The following SRGAP2 variants were observed in gnomAD, a reference collection of about 807,000 sequenced individuals.
SRGAP2 encodes SLIT-ROBO Rho GTPase activating protein 2, also known as SLIT-ROBO Rho GTPase-activating protein 2.
SRGAP2 carries 15 observed loss-of-function variants against 57.2 expected under a neutral mutation model. That is an observed-to-expected ratio of 0.26 (90% CI 0.18 to 0.40). SRGAP2 has a LOEUF of 0.40. SRGAP2 is among the 10% of genes least tolerant of loss of function. The pLI, the probability that SRGAP2 is intolerant of heterozygous loss-of-function variation, is 1.00. For missense variants in SRGAP2, 520 were observed against 669.6 expected (o/e 0.78, Z 2.47); for synonymous variants, 249 against 248.0 (o/e 1.00, Z -0.04).
chr1:206,419,668 C>T (rs1660120703), intron 12 of SRGAP2, among the ~76,000 whole-genome samples: 1 of 152,060 alleles, frequency 6.6e-6, no homozygotes, highest in Admixed American at 6.6e-5. Context: ...CCAGAGACCC[C>T]CTAACGCCAC....
rs782573262 is a variant in SRGAP2 at position 206,421,250 on chromosome 1, G to A, written c.1470G>A (p.Arg490=). 3 of 778,470 alleles carry A rather than the reference G, an allele frequency of 3.9e-6. No homozygotes were observed. Among genetic ancestry groups the A allele is most frequent in the Admixed American group, 1.7e-5 (1 of 58,708 alleles). 48.2% of individuals were successfully genotyped at this position (778,470 alleles called of 1,614,324 possible). ...ESQRTDCSLA[R]RSSTVRKQDS... is the part of the protein sequence containing the mutation. ...TCTGATTCGGCGGGATTGGTCACAG[G>A]CGCAGCTCAACTGTGAGGAAACAGG... The change falls in exon 13 of 23, where the codon AGG becomes AGA. Residue 490 remains arginine, a splice_region_variant and synonymous_variant. Transcript: ENST00000573034.
chr1:206,322,400 T>C (rs1383046938), intron 3 of SRGAP2, among the ~76,000 whole-genome samples: 6 of 148,982 alleles, frequency 4.0e-5, no homozygotes, highest in African/African-American at 1.5e-4. Flanking sequence ...GGTGAAACCC[T>C]GTCTCTACTA....
rs1023285450 is a variant in SRGAP2, at chr1:206,419,529, G to C, written c.1469+129G>C. ...TGACTTTACAAAGCAATGGCCTGGG[G>C]CGGGGTTTGTTTACTTCCCTTTGCC... On this transcript the variant is annotated intron_variant, in intron 12 of 22. Transcript: ENST00000573034. The C allele has an allele frequency of 2.1e-5, 15 of 699,412 alleles. No homozygotes were observed. In the South Asian group the frequency reaches 2.3e-4, roughly 11 times the overall value. The allele number at this position is 699,412 out of a possible 1,614,324, so 43.3% of individuals were successfully genotyped here. A position where few individuals can be genotyped will look rare whatever the true frequency, so the allele number is the denominator to read the frequency against.
chr1:206,319,183 G>A lies in SRGAP2; in HGVS notation c.260+15710G>A, dbSNP rs1276775585. 3.4e-5 allele frequency among the ~76,000 whole-genome samples: 5 copies of A among 148,928 alleles called. No individual in the cohort carries two copies. In the South Asian group the frequency reaches 6.3e-4, roughly 19 times the overall value. On this transcript the variant is annotated intron_variant, in intron 3 of 22. Coordinates refer to ENST00000573034, the MANE Select transcript of SRGAP2 (RefSeq NM_015326.5). ...TCCCAGCACTTTGGGAGGCCGAGGC[G>A]GGCGGATCACGAGGTCAGGAGATCG...
At chr1:206,398,818 G>A (rs373989598) in intron 7 of SRGAP2, among the ~76,000 whole-genome samples, 1 of 152,190 alleles carries the variant, frequency 6.6e-6, no homozygotes, top group Non-Finnish European at 1.5e-5. Context: ...CTGGAGTCTA[G>A]GATTGCAGGG....
chr1:206,260,103 A>G (rs1231284987), intron 2 of SRGAP2, among the ~76,000 whole-genome samples: 1 of 75,182 alleles, frequency 1.3e-5, no homozygotes, highest in Non-Finnish European at 2.7e-5. Context: ...TGTTGTTTGT[A>G]CATTTTTAGA....
At chr1:206,285,473 T>G (rs1439262567) in intron 2 of SRGAP2, among the ~76,000 whole-genome samples, 3 of 152,096 alleles carry the variant, frequency 2.0e-5, no homozygotes, top group Non-Finnish European at 4.4e-5. Context: ...GACATTGTGT[T>G]GCTGTGGATT....
At chr1:206,425,462 A>G (rs568961754) in intron 13 of SRGAP2, among the ~76,000 whole-genome samples, 5 of 152,298 alleles carry the variant, frequency 3.3e-5, no homozygotes, top group East Asian at 1.9e-4. Context: ...CTGTGCTATC[A>G]AACATTAGAA....
intron 19 of SRGAP2, among the ~76,000 whole-genome samples, chr1:206,452,752 G>A (rs1663431885): frequency 6.6e-6 from 1 of 152,036 alleles, no homozygotes; most frequent in Non-Finnish European, 1.5e-5. Flanking sequence ...TGGGCGTGGT[G>A]GCACACGTCT....
intron 4 of SRGAP2, among the ~76,000 whole-genome samples, chr1:206,358,531 C>T (rs1676637244): frequency 6.6e-6 from 1 of 151,646 alleles, no homozygotes; most frequent in African/African-American, 2.4e-5. Flanking sequence ...AGCATTGCAT[C>T]CCTTCCTGCC....
chr1:206,206,214 C>T, intron 2 of SRGAP2, 177 bp downstream of exon 2: 3 of 532,808 alleles, frequency 5.6e-6, no homozygotes, highest in Non-Finnish European at 1.0e-5. Context: ...TGCCAGGGGG[C>T]CATTGACACT....
intron 2 of SRGAP2, among the ~76,000 whole-genome samples, chr1:206,256,774 T>C (rs1669210513): frequency 6.6e-6 from 1 of 152,118 alleles, no homozygotes; most frequent in Non-Finnish European, 1.5e-5. Flanking sequence ...TTCAGAGTTA[T>C]AAGCATAGCC....
intron 3 of SRGAP2, among the ~76,000 whole-genome samples, chr1:206,306,789 G>C (rs1250691665): frequency 6.6e-6 from 1 of 152,312 alleles, no homozygotes; most frequent in South Asian, 2.1e-4. Flanking sequence ...ACAGAGTGTC[G>C]ATTGGTGCAT....
chr1:206,445,322 T>C (rs1344952977), intron 17 of SRGAP2, among the ~76,000 whole-genome samples: 18 of 152,218 alleles, frequency 1.2e-4, no homozygotes, highest in African/African-American at 4.1e-4. Flanking sequence ...GAACAGCTGC[T>C]GGCTGAGAAG....
At position 206,253,104 on chromosome 1, in the gene SRGAP2, TG is replaced by T. The variant is rs552053739; in HGVS notation, c.67+47071del. On this transcript the variant is annotated intron_variant, in intron 2 of 22. Transcript: ENST00000573034. ...AGTGGTGGTTACGGAGGGGCTGTTC[TG>T]GGGCTGCTCTGGAGCTGTTGAGGTC... Among the ~76,000 whole-genome samples, 41 of 144,512 alleles carry T rather than the reference TG, an allele frequency of 2.8e-4. 1 individual carries two copies. In the South Asian group the frequency reaches 9.0e-3, roughly 32 times the overall value. The allele number at this position is 144,512 out of a possible 152,430, so 94.8% of individuals were successfully genotyped here. A position where few individuals can be genotyped will look rare whatever the true frequency, so the allele number is the denominator to read the frequency against.
rs538851308 is a variant in SRGAP2 at position 206,457,801 on chromosome 1, T to TA, written c.2508-821dup. ...CTCCTGCCTCAGCCCCCATCTCTCT[T>TA]AGATTCAAGATCAGAGCTGTTCAGC... On this transcript the variant is annotated intron_variant, in intron 21 of 22. Transcript: ENST00000573034. Among the ~76,000 whole-genome samples the TA allele has an allele frequency of 7.5e-3, 1,141 of 152,310 alleles. 11 individuals are homozygous for TA. Among genetic ancestry groups the TA allele is most frequent in the South Asian group, 0.012 (57 of 4,826 alleles).
chr1:206,254,642 T>C (rs1219516381), intron 2 of SRGAP2, among the ~76,000 whole-genome samples: 1 of 151,622 alleles, frequency 6.6e-6, no homozygotes, highest in Non-Finnish European at 1.5e-5. Flanking sequence ...AAAAAAGATG[T>C]TCCAGGATCT....
At chr1:206,248,295 G>A (rs2102574568) in intron 2 of SRGAP2, among the ~76,000 whole-genome samples, 1 of 152,288 alleles carries the variant, frequency 6.6e-6, no homozygotes, top group South Asian at 2.1e-4. Flanking sequence ...TTAGATGGGA[G>A]TTGCTGAGGT....
intron 4 of SRGAP2, among the ~76,000 whole-genome samples, chr1:206,377,788 CT>C: frequency 7.3e-5 from 1 of 13,692 alleles, no homozygotes; most frequent in South Asian, 1.3e-3. Context: ...CTGATGGACT[CT>C]TTATTGCTCA....
Sources: gnomAD v4.1 joint callset for allele counts (sites outside exome capture counted in the v4.1 genomes callset) on GRCh38, gnomAD v4.1.1 for gene constraint, MANE v1.5 for transcripts, NCBI Gene and HGNC (gene_info 2026-07-23, HGNC 2026-07-21) for gene names.